MALRD1: variants seen among roughly 807,000 people sequenced by gnomAD.
MALRD1 encodes the protein MAM and LDL-receptor class A domain-containing protein 1.
In MALRD1, 247 loss-of-function variants were observed where a neutral mutation model predicts 242.1. The ratio of observed to expected loss-of-function variants is 1.02; its 90% CI spans 0.92 to 1.13. The LOEUF (loss-of-function observed/expected upper bound fraction) is 1.13. Among genes scored for constraint, MALRD1 ranks in the 50% most tolerant of loss-of-function variants. The pLI, the probability that MALRD1 is intolerant of heterozygous loss-of-function variation, is 0.00. For missense variants in MALRD1, 2,989 were observed against 2,533.1 expected (o/e 1.18, Z -3.86); for synonymous variants, 995 against 866.6 (o/e 1.15, Z -2.60).
intron 18 of MALRD1, among the ~76,000 whole-genome samples, chr10:19,218,595 T>C (rs756965483): frequency 5.3e-5 from 8 of 152,140 alleles, no homozygotes; most frequent in Non-Finnish European, 7.4e-5. Flanking sequence ...AGCTCAGTCA[T>C]ATAATTAGAA....
intron 28 of MALRD1, among the ~76,000 whole-genome samples, chr10:19,425,744 G>A (rs1289640754): frequency 3.3e-5 from 5 of 152,132 alleles, no homozygotes; most frequent in African/African-American, 1.2e-4. Flanking sequence ...TTTCTTGATA[G>A]AACAAATAGT....
chr10:19,723,371 A>G (rs1202254823), intron 38 of MALRD1, among the ~76,000 whole-genome samples: 5 of 152,166 alleles, frequency 3.3e-5, no homozygotes, highest in Non-Finnish European at 5.9e-5. Context: ...CCACCAAAAT[A>G]CGACAGAAAT....
chr10:19,475,036 G>A (rs190669940), intron 29 of MALRD1, among the ~76,000 whole-genome samples: 1 of 152,300 alleles, frequency 6.6e-6, no homozygotes, highest in Non-Finnish European at 1.5e-5. Flanking sequence ...AGAAATATGA[G>A]GCTCAGAAAG....
intron 36 of MALRD1, among the ~76,000 whole-genome samples, chr10:19,672,567 G>A (rs1188939050): frequency 6.6e-6 from 1 of 151,882 alleles, no homozygotes; most frequent in Admixed American, 6.6e-5. Flanking sequence ...GGTATTACAG[G>A]TGCACACCAC....
At chr10:19,628,225 A>G (rs1262784385) in intron 36 of MALRD1, among the ~76,000 whole-genome samples, 1 of 152,184 alleles carries the variant, frequency 6.6e-6, no homozygotes, top group Non-Finnish European at 1.5e-5. Context: ...ATGGAGAAAA[A>G]TACAACTTTT....
chr10:19,098,297 C>G (rs960446312), intron 4 of MALRD1, among the ~76,000 whole-genome samples: 2 of 152,074 alleles, frequency 1.3e-5, no homozygotes, highest in East Asian at 3.9e-4. Context: ...TAAAAAGATA[C>G]TGAAGCATTT....
intron 19 of MALRD1, among the ~76,000 whole-genome samples, chr10:19,259,684 C>T (rs1032704311): frequency 6.6e-6 from 1 of 152,066 alleles, no homozygotes; most frequent in African/African-American, 2.4e-5. Flanking sequence ...ACAGCCAAAC[C>T]ATGTCATATG....
intron 33 of MALRD1, among the ~76,000 whole-genome samples, chr10:19,583,379 T>C (rs1221330770): frequency 6.0e-5 from 9 of 151,108 alleles, no homozygotes; most frequent in Non-Finnish European, 1.2e-4. Context: ...ATAGCTCTTA[T>C]TATTTTGAGA....
intron 26 of MALRD1, among the ~76,000 whole-genome samples, chr10:19,354,741 A>C (rs1323046309): frequency 6.6e-6 from 1 of 152,146 alleles, no homozygotes; most frequent in Non-Finnish European, 1.5e-5. Flanking sequence ...TAACTAGAGG[A>C]ATGAATTTGG....
At position 19,522,441 on chromosome 10, in the gene MALRD1, A is replaced by G. The variant is rs116945886; in HGVS notation, c.5321-8753A>G. Among the ~76,000 whole-genome samples the G allele has an allele frequency of 3.5e-3, 526 of 152,244 alleles. 7 individuals are homozygous for G. In the East Asian group the frequency reaches 0.05, roughly 14 times the overall value. Reference sequence around the variant, plus strand: ...ACTGTTTGTTATAGCTGTAGGTGTCAGAAGGTAACATTTCCTCTGGTATCC... The same window carrying G: ...ACTGTTTGTTATAGCTGTAGGTGTCGGAAGGTAACATTTCCTCTGGTATCC... On this transcript the variant is annotated intron_variant, in intron 31 of 39. Coordinates refer to ENST00000454679, the MANE Select transcript of MALRD1 (RefSeq NM_001142308.3).
chr10:19,107,837 T>TA (rs999035334), intron 5 of MALRD1, among the ~76,000 whole-genome samples: 5 of 152,112 alleles, frequency 3.3e-5, no homozygotes, highest in African/African-American at 1.2e-4. Flanking sequence ...GGCTTACATT[T>TA]AAAAAATCTT....
chr10:19,534,044 A>G (rs1834542688), intron 32 of MALRD1, among the ~76,000 whole-genome samples: 1 of 152,216 alleles, frequency 6.6e-6, no homozygotes, highest in African/African-American at 2.4e-5. Context: ...TGTTTGACAA[A>G]GAAGCTAACA....
chr10:19,186,918 T>C (rs1185321545), intron 14 of MALRD1, among the ~76,000 whole-genome samples: 1 of 152,166 alleles, frequency 6.6e-6, no homozygotes, highest in African/African-American at 2.4e-5. Context: ...CTTCCCCACC[T>C]AACACTAAGT....
chr10:19,702,575 A>G (rs1833676066), intron 38 of MALRD1, among the ~76,000 whole-genome samples: 1 of 152,176 alleles, frequency 6.6e-6, no homozygotes, highest in Admixed American at 6.6e-5. Flanking sequence ...GATTATCTAG[A>G]ATTTATTTAA....
intron 11 of MALRD1, among the ~76,000 whole-genome samples, chr10:19,146,638 G>A (rs1274197469): frequency 6.6e-6 from 1 of 152,184 alleles, no homozygotes; most frequent in Non-Finnish European, 1.5e-5. Flanking sequence ...ATCAAGTACA[G>A]TAGGCTTGCC....
At chr10:19,386,416 G>GAAA (rs10654913) in intron 26 of MALRD1, among the ~76,000 whole-genome samples, 39 of 148,152 alleles carry the variant, frequency 2.6e-4, no homozygotes, top group African/African-American at 7.8e-4. Flanking sequence ...GAGAAGACAA[G>GAAA]AAAAAAAAAA....
intron 18 of MALRD1, among the ~76,000 whole-genome samples, chr10:19,250,997 G>A (rs935721663): frequency 4.0e-5 from 6 of 151,818 alleles, no homozygotes; most frequent in African/African-American, 4.8e-5. Flanking sequence ...CACAGCAGAG[G>A]CCTTGATGGG....
intron 29 of MALRD1, among the ~76,000 whole-genome samples, chr10:19,477,857 A>T (rs1237571061): frequency 2.0e-5 from 3 of 152,148 alleles, no homozygotes; most frequent in African/African-American, 7.2e-5. Context: ...TGGAGTCTCT[A>T]ACTGGCCTTC....
At chr10:19,511,377 T>G (rs554007553) in intron 31 of MALRD1, among the ~76,000 whole-genome samples, 1 of 152,142 alleles carries the variant, frequency 6.6e-6, no homozygotes, top group Non-Finnish European at 1.5e-5. Context: ...ACAGTTCCCT[T>G]TAAGATGTCT....
Sources: gnomAD v4.1 joint callset for allele counts (sites outside exome capture counted in the v4.1 genomes callset) on GRCh38, gnomAD v4.1.1 for gene constraint, MANE v1.5 for transcripts, NCBI Gene and HGNC (gene_info 2026-07-23, HGNC 2026-07-21) for gene names.